Variants in SH3PXD2A observed in about 807,000 individuals in gnomAD.
SH3PXD2A encodes SH3 and PX domains 2A, also known as SH3 and PX domain-containing protein 2A.
Under a neutral mutation model 115.2 loss-of-function variants are expected in SH3PXD2A, and 32 were observed. The observed-to-expected ratio is 0.28, with a 90% CI of 0.21 to 0.37. The LOEUF is 0.37. Ranked by LOEUF, SH3PXD2A falls within the 10% of genes least tolerant of loss-of-function variation. The pLI, the probability that SH3PXD2A is intolerant of heterozygous loss-of-function variation, is 1.00. For missense variants in SH3PXD2A, 1,328 were observed against 1,498.7 expected (o/e 0.89, Z 1.88); for synonymous variants, 610 against 629.1 (o/e 0.97, Z 0.45).
rs553169451 is a variant in SH3PXD2A at position 103,788,028 on chromosome 10, C to A, written c.153+13254G>T. On this transcript the variant is annotated intron_variant, in intron 2 of 14. Transcript: ENST00000369774. ...CTGCAGCTTGGAGGTACCCAAGACC[C>A]TTCTGTGGCTGGGAAAAATGTTCCC... Among the ~76,000 whole-genome samples the A allele has an allele frequency of 2.0e-5, 3 of 152,294 alleles. No individual in the cohort carries two copies. The East Asian group carries it at 5.8e-4, about 29-fold the overall frequency.
At chr10:103,783,963 T>C (rs1043786854) in intron 2 of SH3PXD2A, among the ~76,000 whole-genome samples, 7 of 152,166 alleles carry the variant, frequency 4.6e-5, no homozygotes, top group African/African-American at 1.7e-4. Context: ...AAAAACTGCC[T>C]CCTGCCAGGG....
intron 1 of SH3PXD2A, among the ~76,000 whole-genome samples, chr10:103,808,810 A>G (rs554691710): frequency 1.2e-3 from 176 of 152,160 alleles, no homozygotes; most frequent in Middle Eastern, 6.8e-3. Context: ...TATCCATGCA[A>G]ACTATCTTCC....
At chr10:103,656,568 G>A (rs1054271802) in intron 8 of SH3PXD2A, among the ~76,000 whole-genome samples, 3 of 152,200 alleles carry the variant, frequency 2.0e-5, no homozygotes, top group Admixed American at 2.0e-4. Flanking sequence ...GGTGGCTCAT[G>A]CCTGTGATCC....
At chr10:103,831,326 G>A (rs2039480609) in intron 1 of SH3PXD2A, among the ~76,000 whole-genome samples, 1 of 152,100 alleles carries the variant, frequency 6.6e-6, no homozygotes, top group South Asian at 2.1e-4. Context: ...CATTTGTACT[G>A]TTCCAAGTGG....
intron 7 of SH3PXD2A, among the ~76,000 whole-genome samples, chr10:103,663,272 G>A (rs570358198): frequency 6.6e-6 from 1 of 152,298 alleles, no homozygotes; most frequent in African/African-American, 2.4e-5. Context: ...TGATGTGCCA[G>A]GCACATTAAC....
At chr10:103,682,725 C>G (rs1281273646) in intron 6 of SH3PXD2A, among the ~76,000 whole-genome samples, 1 of 150,870 alleles carries the variant, frequency 6.6e-6, no homozygotes, top group African/African-American at 2.4e-5. Context: ...CCATTGCACT[C>G]CGGCCTGGGC....
chr10:103,854,176 T>G (rs1418563914), intron 1 of SH3PXD2A, among the ~76,000 whole-genome samples: 1 of 152,190 alleles, frequency 6.6e-6, no homozygotes, highest in Non-Finnish European at 1.5e-5. Flanking sequence ...AAAAGGCACT[T>G]CAGAGATCAA....
intron 11 of SH3PXD2A, among the ~76,000 whole-genome samples, chr10:103,615,486 GTGTGT>G (rs2036500271): frequency 4.2e-4 from 13 of 31,264 alleles, no homozygotes; most frequent in African/African-American, 2.6e-3. Context: ...GTGCGAGGGT[GTGTGT>G]GTGTGTGTGT....
intron 8 of SH3PXD2A, among the ~76,000 whole-genome samples, chr10:103,642,468 C>T (rs1246694863): frequency 6.6e-6 from 1 of 152,172 alleles, no homozygotes; most frequent in African/African-American, 2.4e-5. Flanking sequence ...TGCCTCTCTG[C>T]CACCTAAGAT....
intron 8 of SH3PXD2A, among the ~76,000 whole-genome samples, chr10:103,656,143 A>G (rs1436537614): frequency 6.6e-6 from 1 of 152,226 alleles, no homozygotes; most frequent in Non-Finnish European, 1.5e-5. Flanking sequence ...CCACATGCAC[A>G]GGTACTGAAC....
intron 6 of SH3PXD2A, among the ~76,000 whole-genome samples, chr10:103,682,788 C>A (rs952744632): frequency 6.6e-6 from 1 of 151,692 alleles, no homozygotes; most frequent in Non-Finnish European, 1.5e-5. Context: ...AACCACGAGC[C>A]TGGGTAAGAT....
intron 8 of SH3PXD2A, among the ~76,000 whole-genome samples, chr10:103,639,809 G>C (rs985204790): frequency 1.3e-5 from 2 of 152,076 alleles, no homozygotes; most frequent in Non-Finnish European, 2.9e-5. Flanking sequence ...AACTGTAAAT[G>C]ATGTGGATGG....
intron 2 of SH3PXD2A, among the ~76,000 whole-genome samples, chr10:103,794,877 A>G (rs1297293552): frequency 6.6e-6 from 1 of 152,344 alleles, no homozygotes; most frequent in East Asian, 1.9e-4. Context: ...AAGTGTTTGG[A>G]ATAGCCGCTG....
At chr10:103,787,546 T>C (rs2038992285) in intron 2 of SH3PXD2A, among the ~76,000 whole-genome samples, 1 of 152,116 alleles carries the variant, frequency 6.6e-6, no homozygotes. Flanking sequence ...TGGGGATTCC[T>C]CCTCAAAGGT....
chr10:103,724,335 G>GATGT lies in SH3PXD2A; in HGVS notation c.329_332dup (p.Ser112HisfsTer5). 6.3e-7 allele frequency: 1 copy of GATGT among 1,584,448 alleles called. No individual in the cohort carries two copies. The highest frequency in any genetic ancestry group is 8.6e-7 in the Non-Finnish European group (1 of 1,168,148). ...ACCGGAAGACTTCGTCACACTGTGAGATGTGGGGGGGCAGCCGGACAAGTG... is the reference window on the plus strand; with the variant it reads ...ACCGGAAGACTTCGTCACACTGTGAGATGTATGTGGGGGGGCAGCCGGACAAGTG... On this transcript the variant is annotated frameshift_variant, in exon 5 of 15. Coordinates refer to ENST00000369774, the MANE Select transcript of SH3PXD2A (RefSeq NM_001394015.1). LOFTEE classifies it high-confidence loss of function.
At chr10:103,787,550 C>T (rs1254943184) in intron 2 of SH3PXD2A, among the ~76,000 whole-genome samples, 2 of 152,160 alleles carry the variant, frequency 1.3e-5, no homozygotes, top group Non-Finnish European at 2.9e-5. Context: ...GATTCCTCCT[C>T]AAAGGTTCCA....
In SH3PXD2A at chr10:103,756,954, T is replaced by C. The variant is rs2038648247; in HGVS notation, c.229+10140A>G. Among the ~76,000 whole-genome samples, 1 of 152,132 alleles carries C rather than the reference T, an allele frequency of 6.6e-6. No homozygotes were observed. Among genetic ancestry groups the C allele is most frequent in the Admixed American group, 6.5e-5 (1 of 15,272 alleles). On this transcript the variant is annotated intron_variant, in intron 3 of 14. Transcript: ENST00000369774. The surrounding 1 kb of genome is among the most constrained non-coding windows in gnomAD (Gnocchi z 4.4). ...CAGGCCTTTGAGGCCTAGCACCTTC[T>C]TCTGTCTCTAGCCTCAGCTGCCCAC...
intron 1 of SH3PXD2A, 137 bp downstream of exon 1, chr10:103,855,058 G>T: frequency 2.0e-6 from 1 of 502,610 alleles, no homozygotes. Flanking sequence ...ACAGCCCTGC[G>T]AAGAAACTCC....
chr10:103,852,419 C>T (rs1842904962), intron 1 of SH3PXD2A, among the ~76,000 whole-genome samples: 1 of 152,182 alleles, frequency 6.6e-6, no homozygotes, highest in Admixed American at 6.5e-5. Context: ...TGCGTGGGCC[C>T]CAGGCCTCTC....
Sources: gnomAD v4.1 joint callset for allele counts (sites outside exome capture counted in the v4.1 genomes callset) on GRCh38, gnomAD v4.1.1 for gene constraint, Gnocchi (gnomAD v3.1) non-coding constraint, MANE v1.5 for transcripts, NCBI Gene and HGNC (gene_info 2026-07-23, HGNC 2026-07-21) for gene names.